Variants in OPCML observed in about 807,000 individuals in gnomAD.
The protein encoded by OPCML is opioid-binding protein/cell adhesion molecule.
OPCML carries 13 observed loss-of-function variants against 37.8 expected under a neutral mutation model. That is an observed-to-expected ratio of 0.34 (90% confidence interval 0.22 to 0.55). The LOEUF (loss-of-function observed/expected upper bound fraction) is 0.55. Ranked by LOEUF, OPCML falls within the 20% of genes least tolerant of loss-of-function variation. OPCML has a pLI of 0.91. For missense variants in OPCML, 341 were observed against 435.6 expected (o/e 0.78, Z 1.93); for synonymous variants, 176 against 168.8 (o/e 1.04, Z -0.33).
intron 2 of OPCML, among the ~76,000 whole-genome samples, chr11:132,895,267 T>C (rs1943795794): frequency 6.6e-6 from 1 of 152,244 alleles, no homozygotes; most frequent in African/African-American, 2.4e-5. Context: ...ATGATACCCT[T>C]AACATTTGTG....
At chr11:132,566,542 T>C (rs1565671064) in intron 3 of OPCML, among the ~76,000 whole-genome samples, 1 of 152,224 alleles carries the variant, frequency 6.6e-6, no homozygotes. Flanking sequence ...ATACAGTCAC[T>C]TGGAAATGTG....
At chr11:133,070,809 G>A (rs1192181240) in intron 1 of OPCML, among the ~76,000 whole-genome samples, 3 of 152,322 alleles carry the variant, frequency 2.0e-5, no homozygotes, top group South Asian at 4.1e-4. Flanking sequence ...AAAGGAGCAG[G>A]GGCTGGGGGT....
chr11:133,263,520 T>C (rs2136461452), intron 1 of OPCML, among the ~76,000 whole-genome samples: 1 of 152,248 alleles, frequency 6.6e-6, no homozygotes, highest in South Asian at 2.1e-4. Flanking sequence ...ACCTTCTAGG[T>C]GTGTTTAAGT....
At chr11:133,120,770 A>C (rs77809148) in intron 1 of OPCML, among the ~76,000 whole-genome samples, 1 of 152,164 alleles carries the variant, frequency 6.6e-6, no homozygotes, top group African/African-American at 2.4e-5. Flanking sequence ...CCAGTCTACT[A>C]TGATCACATA....
At chr11:133,514,274 C>T (rs1307028675) in intron 1 of OPCML, among the ~76,000 whole-genome samples, 2 of 152,184 alleles carry the variant, frequency 1.3e-5, no homozygotes, top group Non-Finnish European at 2.9e-5. Context: ...TGATTGTGTG[C>T]AAGGGAGGCG....
chr11:132,542,222 C>T (rs555647333), intron 3 of OPCML, among the ~76,000 whole-genome samples: 8 of 152,198 alleles, frequency 5.3e-5, no homozygotes, highest in East Asian at 1.9e-4. Flanking sequence ...GGAAGGCAGA[C>T]GTGGAAAGAT....
intron 1 of OPCML, among the ~76,000 whole-genome samples, chr11:133,353,802 A>G (rs899555068): frequency 2.6e-5 from 4 of 152,212 alleles, no homozygotes; most frequent in East Asian, 1.9e-4. Flanking sequence ...TAGATAAAAC[A>G]AAATCAGAGG....
intron 1 of OPCML, among the ~76,000 whole-genome samples, chr11:133,348,984 T>C (rs191510087): frequency 6.6e-6 from 1 of 152,178 alleles, no homozygotes; most frequent in African/African-American, 2.4e-5. Flanking sequence ...CTAAGCTGTG[T>C]GTCATAGGGG....
chr11:132,728,516 T>C (rs551422850), intron 2 of OPCML, among the ~76,000 whole-genome samples: 48 of 152,254 alleles, frequency 3.2e-4, no homozygotes, highest in Admixed American at 1.6e-3. Flanking sequence ...TTGCTACTAA[T>C]TACTTTTCTC....
intron 1 of OPCML, among the ~76,000 whole-genome samples, chr11:133,395,009 CT>C (rs1383483763): frequency 6.6e-6 from 1 of 152,142 alleles, no homozygotes; most frequent in East Asian, 1.9e-4. Context: ...CAAGGGTTCC[CT>C]TTTTTCCACA....
In OPCML at chr11:133,107,897, C is replaced by T. The variant is rs1238987048; in HGVS notation, c.62-164887G>A. Among the ~76,000 whole-genome samples, 3 of 152,194 alleles carry T rather than the reference C, an allele frequency of 2.0e-5. No homozygotes were observed. The South Asian group carries it at 6.2e-4, about 32-fold the overall frequency. On this transcript the variant is annotated intron_variant, in intron 1 of 7. Coordinates refer to ENST00000524381, the MANE Select transcript of OPCML (RefSeq NM_001012393.5). The stretch of plus-strand genomic sequence containing the variant: ...CGTACTCGAGACAGAGGGAGGTTTG[C>T]TCCAGCTCAGGGAGCCATGCCACAC...
intron 2 of OPCML, among the ~76,000 whole-genome samples, chr11:132,682,545 C>T (rs1451101025): frequency 2.0e-5 from 3 of 152,134 alleles, no homozygotes; most frequent in South Asian, 2.1e-4. Flanking sequence ...ATTAAGCACC[C>T]ACACATGAGA....
At chr11:133,350,803 C>A (rs976605552) in intron 1 of OPCML, among the ~76,000 whole-genome samples, 3 of 152,198 alleles carry the variant, frequency 2.0e-5, no homozygotes, top group African/African-American at 7.2e-5. Context: ...TGATGACAGG[C>A]AGCTTCTTCT....
At chr11:132,786,746 G>A (rs976975220) in intron 2 of OPCML, among the ~76,000 whole-genome samples, 3 of 152,088 alleles carry the variant, frequency 2.0e-5, no homozygotes, top group African/African-American at 4.8e-5. Flanking sequence ...GCATTCAAAC[G>A]ATATCTGCTG....
At chr11:133,504,542 C>T (rs1947986253) in intron 1 of OPCML, among the ~76,000 whole-genome samples, 1 of 152,194 alleles carries the variant, frequency 6.6e-6, no homozygotes, top group African/African-American at 2.4e-5. Context: ...CCATAACAGA[C>T]TTTTGTGAGT....
intron 4 of OPCML, among the ~76,000 whole-genome samples, chr11:132,475,437 C>G (rs1429970627): frequency 1.3e-5 from 2 of 152,162 alleles, no homozygotes; most frequent in African/African-American, 4.8e-5. Context: ...CAGAATATGA[C>G]TGTTTGGAGA....
chr11:132,927,948 A>G (rs1334566822), intron 2 of OPCML, among the ~76,000 whole-genome samples: 3 of 152,034 alleles, frequency 2.0e-5, no homozygotes, highest in Non-Finnish European at 2.9e-5. Flanking sequence ...GGGATATAGC[A>G]TAAAGAAAAT....
intron 1 of OPCML, among the ~76,000 whole-genome samples, chr11:133,329,478 AAACAGAGATATAGACCAATGG>A (rs1455365050): frequency 2.6e-5 from 4 of 152,200 alleles, no homozygotes; most frequent in Admixed American, 2.6e-4. Context: ...ACTGTTACCA[AAACAGAGATATAGACCAATGG>A]AACAGAACAG....
intron 1 of OPCML, among the ~76,000 whole-genome samples, chr11:133,492,488 C>G (rs1947685785): frequency 6.6e-6 from 1 of 151,996 alleles, no homozygotes; most frequent in African/African-American, 2.4e-5. Context: ...AGGCTAAAAT[C>G]ATGGGTAAAA....
Sources: gnomAD v4.1 joint callset for allele counts (sites outside exome capture counted in the v4.1 genomes callset) on GRCh38, gnomAD v4.1.1 for gene constraint, MANE v1.5 for transcripts, NCBI Gene and HGNC (gene_info 2026-07-23, HGNC 2026-07-21) for gene names.